IQCJ: variants seen among roughly 807,000 people sequenced by gnomAD.
IQCJ encodes the protein IQ motif containing J.
In IQCJ, 9 loss-of-function variants were observed where a neutral mutation model predicts 11.0. The observed-to-expected ratio is 0.82, with a 90% CI of 0.49 to 1.43. The LOEUF (loss-of-function observed/expected upper bound fraction) is 1.43, where lower values mean the gene tolerates loss of function less well. Ranked by LOEUF, IQCJ falls within the 40% of genes most tolerant of loss-of-function variation. IQCJ has a pLI of 0.00. For synonymous variants in IQCJ, 55 were observed against 51.3 expected (o/e 1.07, Z -0.31); for missense variants, 146 against 133.2 (o/e 1.10, Z -0.47).
intron 1 of IQCJ, among the ~76,000 whole-genome samples, chr3:159,115,397 C>T (rs1251485616): frequency 1.3e-5 from 2 of 152,138 alleles, no homozygotes; most frequent in Non-Finnish European, 2.9e-5. Context: ...TGCCCAATTT[C>T]CATGGGTCAA....
chr3:159,206,933 C>T (rs1724689215), intron 1 of IQCJ, among the ~76,000 whole-genome samples: 1 of 152,140 alleles, frequency 6.6e-6, no homozygotes, highest in Non-Finnish European at 1.5e-5. Flanking sequence ...AGGTACTGTA[C>T]CTTTTCTAAA....
intron 1 of IQCJ, among the ~76,000 whole-genome samples, chr3:159,186,757 G>A (rs1723394790): frequency 6.6e-6 from 1 of 152,222 alleles, no homozygotes; most frequent in South Asian, 2.1e-4. Context: ...GCAAGGTGCA[G>A]TTAATGACAG....
At chr3:159,185,017 C>G (rs958327525) in intron 1 of IQCJ, among the ~76,000 whole-genome samples, 1 of 152,104 alleles carries the variant, frequency 6.6e-6, no homozygotes, top group African/African-American at 2.4e-5. Context: ...AAATCATGGC[C>G]GCATAGCCAC....
chr3:159,201,890 G>C (rs1230904111), intron 1 of IQCJ, among the ~76,000 whole-genome samples: 1 of 152,132 alleles, frequency 6.6e-6, no homozygotes, highest in East Asian at 1.9e-4. Context: ...TTTGGTGCTA[G>C]GTTGGTGAAT....
intron 1 of IQCJ, among the ~76,000 whole-genome samples, chr3:159,092,834 T>A (rs1032473955): frequency 1.3e-5 from 2 of 151,638 alleles, no homozygotes; most frequent in Non-Finnish European, 2.9e-5. Context: ...TTGTGTCATG[T>A]AAGAGAATAC....
chr3:159,166,512 G>T (rs571399725), intron 1 of IQCJ, among the ~76,000 whole-genome samples: 7 of 152,262 alleles, frequency 4.6e-5, no homozygotes, highest in African/African-American at 1.7e-4. Flanking sequence ...GATTCTTTGT[G>T]GGCACTGGAT....
chr3:159,074,923 A>G (rs545670516), intron 1 of IQCJ, among the ~76,000 whole-genome samples: 1 of 152,230 alleles, frequency 6.6e-6, no homozygotes, highest in South Asian at 2.1e-4. Flanking sequence ...TAGAGGAGCC[A>G]ACACTGTTAT....
intron 1 of IQCJ, among the ~76,000 whole-genome samples, chr3:159,103,078 G>A (rs761810862): frequency 6.6e-6 from 1 of 152,056 alleles, no homozygotes; most frequent in African/African-American, 2.4e-5. Context: ...TTCTACATAG[G>A]TCTGTCTATT....
chr3:159,232,451 CTTTTTTT>C (rs35423818), intron 1 of IQCJ, among the ~76,000 whole-genome samples: 15 of 83,726 alleles, frequency 1.8e-4, no homozygotes, highest in African/African-American at 3.8e-4. Flanking sequence ...GAGAGACTTT[CTTTTTTT>C]TTTTTTTTTT....
intron 1 of IQCJ, among the ~76,000 whole-genome samples, chr3:159,123,875 A>G (rs772763048): frequency 4.6e-5 from 7 of 152,156 alleles, no homozygotes; most frequent in Non-Finnish European, 1.0e-4. Flanking sequence ...GCTCTGAGCT[A>G]TGGGAATATT....
chr3:159,222,602 T>C (rs1725615228), intron 1 of IQCJ, among the ~76,000 whole-genome samples: 1 of 152,078 alleles, frequency 6.6e-6, no homozygotes, highest in African/African-American at 2.4e-5. Context: ...GTAGGATAAA[T>C]AGGTCTAGAG....
At chr3:159,242,769 GC>G (rs1727009610) in intron 1 of IQCJ, among the ~76,000 whole-genome samples, 1 of 151,666 alleles carries the variant, frequency 6.6e-6, no homozygotes. Flanking sequence ...ATATTTGGGG[GC>G]AGGAAAATAT....
At chr3:159,076,172 G>A (rs1715900505) in intron 1 of IQCJ, among the ~76,000 whole-genome samples, 1 of 152,070 alleles carries the variant, frequency 6.6e-6, no homozygotes. Flanking sequence ...TGTCTCTGCA[G>A]TGTGGGAGTC....
intron 1 of IQCJ, among the ~76,000 whole-genome samples, chr3:159,181,557 A>G (rs1723092132): frequency 6.6e-6 from 1 of 150,992 alleles, no homozygotes; most frequent in Non-Finnish European, 1.5e-5. Context: ...AGTCCTCTCA[A>G]GGCAAAATGC....
intron 1 of IQCJ, among the ~76,000 whole-genome samples, chr3:159,119,598 T>G (rs907434798): frequency 6.6e-6 from 1 of 152,194 alleles, no homozygotes; most frequent in African/African-American, 2.4e-5. Flanking sequence ...TAGAGAGCAC[T>G]TTGGAAAATT....
chr3:159,153,691 CT>C (rs1371087682), intron 1 of IQCJ, among the ~76,000 whole-genome samples: 2 of 152,168 alleles, frequency 1.3e-5, no homozygotes, highest in African/African-American at 4.8e-5. Flanking sequence ...GGCATCTGTC[CT>C]TTGTGACTAC....
chr3:159,203,149 T>C (rs1300218514), intron 1 of IQCJ, among the ~76,000 whole-genome samples: 1 of 150,540 alleles, frequency 6.6e-6, no homozygotes, highest in Non-Finnish European at 1.5e-5. Flanking sequence ...TCCTCCTTCA[T>C]TCAAGATGTA....
intron 1 of IQCJ, among the ~76,000 whole-genome samples, chr3:159,083,980 T>C (rs1716513603): frequency 1.3e-5 from 2 of 152,100 alleles, no homozygotes. Flanking sequence ...GTTCTGTATA[T>C]GGACTGTGGT....
At chr3:159,198,082 G>A (rs1724096389) in intron 1 of IQCJ, among the ~76,000 whole-genome samples, 1 of 152,114 alleles carries the variant, frequency 6.6e-6, no homozygotes, top group African/African-American at 2.4e-5. Context: ...TTAAAAGTAG[G>A]TCGTAATGAA....
Sources: gnomAD v4.1 joint callset for allele counts (sites outside exome capture counted in the v4.1 genomes callset) on GRCh38, gnomAD v4.1.1 for gene constraint, MANE v1.5 for transcripts, NCBI Gene and HGNC (gene_info 2026-07-23, HGNC 2026-07-21) for gene names.